MAML3: variants seen among roughly 807,000 people sequenced by gnomAD.
MAML3 encodes mastermind-like protein 3.
MAML3 carries 27 observed loss-of-function variants against 101.9 expected under a neutral mutation model. The observed-to-expected ratio is 0.27, with a 90% CI of 0.20 to 0.37. MAML3 has a LOEUF of 0.37. Among genes scored for constraint, MAML3 ranks in the 10% least tolerant of loss-of-function variants. The probability of loss-of-function intolerance (pLI) is 1.00; values close to 1 mark genes in which losing one functional copy is unlikely to be tolerated. For missense variants in MAML3, 1,316 were observed against 1,444.9 expected, an observed-to-expected ratio of 0.91 and a Z score of 1.45; for synonymous variants, 501 against 555.9, an observed-to-expected ratio of 0.90 and a Z score of 1.39.
chr4:139,799,564 T>C (rs1730569740), intron 2 of MAML3, among the ~76,000 whole-genome samples: 1 of 152,228 alleles, frequency 6.6e-6, no homozygotes, highest in African/African-American at 2.4e-5. Context: ...ATTCTCTTTC[T>C]GTCCTCATAA....
intron 2 of MAML3, among the ~76,000 whole-genome samples, chr4:139,857,264 A>C (rs1389478115): frequency 6.6e-6 from 1 of 152,154 alleles, no homozygotes; most frequent in East Asian, 1.9e-4. Context: ...AGCCAAGCGG[A>C]AGGTCTGTTT....
intron 1 of MAML3, among the ~76,000 whole-genome samples, chr4:140,059,439 C>A (rs1727406616): frequency 6.6e-6 from 1 of 152,108 alleles, no homozygotes; most frequent in African/African-American, 2.4e-5. Context: ...TCTGATAACA[C>A]CCAGTTCCTA....
intron 1 of MAML3, among the ~76,000 whole-genome samples, chr4:140,069,325 AGAAGG>A (rs1430009620): frequency 3.1e-4 from 13 of 41,752 alleles, no homozygotes; most frequent in African/African-American, 9.4e-4. Context: ...CTGTCCAAGA[AGAAGG>A]AGAAGGAGAA....
At chr4:139,916,823 G>A (rs2111229875) in intron 1 of MAML3, among the ~76,000 whole-genome samples, 2 of 152,330 alleles carry the variant, frequency 1.3e-5, no homozygotes, top group South Asian at 4.1e-4. Context: ...AATGGTACTT[G>A]AAGACTTTTT....
At chr4:140,095,782 G>A (rs1166257319) in intron 1 of MAML3, among the ~76,000 whole-genome samples, 1 of 152,094 alleles carries the variant, frequency 6.6e-6, no homozygotes, top group Non-Finnish European at 1.5e-5. Flanking sequence ...GCCACAGGAA[G>A]CTTCCTGCTT....
At chr4:139,891,119 T>C (rs1319880835) in intron 1 of MAML3, among the ~76,000 whole-genome samples, 152 bp from the exon 2 acceptor site, 1 of 152,136 alleles carries the variant, frequency 6.6e-6, no homozygotes, top group Non-Finnish European at 1.5e-5. Flanking sequence ...CAGGCAACGC[T>C]GCAATTCAAA....
At chr4:139,734,127 A>G (rs922789131) in intron 2 of MAML3, among the ~76,000 whole-genome samples, 1 of 152,234 alleles carries the variant, frequency 6.6e-6, no homozygotes, top group Non-Finnish European at 1.5e-5. Flanking sequence ...GTGAAAATGT[A>G]CTCAGTGACT....
chr4:139,888,087 C>G (rs891711274), intron 2 of MAML3, among the ~76,000 whole-genome samples: 1 of 152,126 alleles, frequency 6.6e-6, no homozygotes, highest in Non-Finnish European at 1.5e-5. Context: ...GGTTGTAAGG[C>G]TGAGGACAAG....
At chr4:139,962,601 G>A (rs748123183) in intron 1 of MAML3, among the ~76,000 whole-genome samples, 4 of 152,084 alleles carry the variant, frequency 2.6e-5, no homozygotes, top group Non-Finnish European at 5.9e-5. Context: ...ATACAACTTC[G>A]GTCAAAAAGC....
intron 1 of MAML3, among the ~76,000 whole-genome samples, chr4:140,074,062 G>T (rs913551471): frequency 2.6e-5 from 4 of 151,932 alleles, no homozygotes; most frequent in African/African-American, 9.7e-5. Context: ...AACACGGGAG[G>T]TGGAGGTTGC....
intron 2 of MAML3, among the ~76,000 whole-genome samples, chr4:139,852,403 G>GTTTTTTTTTTTGTTGTTGTTTT (rs1731572633): frequency 5.9e-5 from 4 of 68,350 alleles, no homozygotes; most frequent in African/African-American, 2.7e-4. Flanking sequence ...TCAGAAGACT[G>GTTTTTTTTTTTGTTGTTGTTTT]TTTTTTTTTT....
intron 1 of MAML3, among the ~76,000 whole-genome samples, chr4:139,955,856 G>A (rs1578615777): frequency 6.6e-6 from 1 of 152,166 alleles, no homozygotes; most frequent in East Asian, 1.9e-4. Context: ...CAAACATGGA[G>A]GTCACATAAC....
intron 1 of MAML3, among the ~76,000 whole-genome samples, chr4:140,106,020 C>T (rs1306806457): frequency 6.7e-6 from 1 of 150,092 alleles, no homozygotes; most frequent in Admixed American, 6.7e-5. Context: ...TTCCATCACT[C>T]TGCATTATGC....
At chr4:139,757,258 T>A (rs957832560) in intron 2 of MAML3, among the ~76,000 whole-genome samples, 3 of 152,112 alleles carry the variant, frequency 2.0e-5, no homozygotes, top group Non-Finnish European at 4.4e-5. Flanking sequence ...TGGCTGGTTG[T>A]CCATTTTTCA....
At chr4:139,786,872 G>C (rs1730312855) in intron 2 of MAML3, among the ~76,000 whole-genome samples, 1 of 152,184 alleles carries the variant, frequency 6.6e-6, no homozygotes, top group Non-Finnish European at 1.5e-5. Flanking sequence ...ATTGACTTTA[G>C]GGAAACATGT....
intron 1 of MAML3, among the ~76,000 whole-genome samples, chr4:140,147,775 A>G (rs974627279): frequency 4.6e-5 from 7 of 152,240 alleles, no homozygotes; most frequent in Non-Finnish European, 8.8e-5. Flanking sequence ...ATAAGACAGG[A>G]CTGTTACTTA....
rs534039646 is a variant in MAML3 at position 140,128,769 on chromosome 4, T to C, written c.468+24091A>G. Among the ~76,000 whole-genome samples the C allele has an allele frequency of 2.6e-5, 4 of 152,278 alleles. No homozygotes were observed. The South Asian group carries it at 8.3e-4, about 32-fold the overall frequency. ...CAACAACCATCGCTAGTGGGCCACA[T>C]GCAGGGCAAGAGAAAGAACTAACAC... On this transcript the variant is annotated intron_variant, in intron 1 of 4. Coordinates refer to ENST00000509479, the MANE Select transcript of MAML3 (RefSeq NM_018717.5).
chr4:140,079,926 T>C (rs1310189549), intron 1 of MAML3, among the ~76,000 whole-genome samples: 2 of 152,212 alleles, frequency 1.3e-5, no homozygotes, highest in Non-Finnish European at 2.9e-5. Context: ...CACTCTAAGA[T>C]ACAAACTTAC....
intron 2 of MAML3, among the ~76,000 whole-genome samples, chr4:139,772,591 C>A (rs1037535327): frequency 1.3e-5 from 2 of 151,838 alleles, no homozygotes. Context: ...AATCCACCTG[C>A]CTCGGCCTCC....
Sources: allele counts gnomAD v4.1 joint callset (sites outside exome capture counted in the v4.1 genomes callset), GRCh38; gene constraint gnomAD v4.1.1; transcripts MANE v1.5; gene names NCBI Gene and HGNC (gene_info 2026-07-23, HGNC 2026-07-21).